ANKRD50: variants seen among roughly 807,000 people sequenced by gnomAD.
The protein encoded by ANKRD50 is ankyrin repeat domain-containing protein 50.
Under a neutral mutation model 112.0 loss-of-function variants are expected in ANKRD50, and 40 were observed. The observed-to-expected ratio is 0.36, with a 90% CI of 0.28 to 0.46. The LOEUF is 0.46. ANKRD50 is among the 20% of genes least tolerant of loss of function. The pLI is 1.00. For missense variants in ANKRD50, 1,487 were observed against 1,701.7 expected (o/e 0.87, Z 2.22); for synonymous variants, 613 against 619.1 (o/e 0.99, Z 0.15).
At chr4:124,696,013 AAGTC>A in intron 2 of ANKRD50, among the ~76,000 whole-genome samples, 1 of 152,282 alleles carries the variant, frequency 6.6e-6, no homozygotes, top group East Asian at 1.9e-4. Flanking sequence ...AAACAGAAAA[AAGTC>A]AGGATTATAG....
Position 124,672,375 on chromosome 4 carries a change from C to G in ANKRD50, c.902G>C (p.Gly301Ala). The change falls in exon 4 of 5, where the codon GGA becomes GCA. Residue 301 changes from glycine (G) to alanine (A), a missense_variant. Physicochemically the swap from Gly to Ala is moderately conservative, Grantham distance 60 (BLOSUM62 0). This residue lies in a region of ANKRD50 where 1,046 missense variants were observed against 1,269.5 expected (regional missense o/e 0.82). Coordinates refer to ENST00000504087, the MANE Select transcript of ANKRD50 (RefSeq NM_020337.3). ...AACTCGTTCTAGGTAAAGAAAGCAT[C>G]CACTGCTTTTAATGTGCAGTTGATT... ...MLNQLHIKSS[G>A]CFLYLERVLD... 6.2e-7 allele frequency: 1 copy of G among 1,613,148 alleles called. No individual in the cohort carries two copies. The highest frequency in any genetic ancestry group is 8.5e-7 in the Non-Finnish European group (1 of 1,179,702).
At chr4:124,703,116 G>A in intron 2 of ANKRD50, among the ~76,000 whole-genome samples, 1 of 151,990 alleles carries the variant, frequency 6.6e-6, no homozygotes, top group East Asian at 1.9e-4. Flanking sequence ...CTAAGCTTGT[G>A]GGGCAAACAC....
In ANKRD50 at chr4:124,664,315, A is replaced by G. The variant is rs1402443917; in HGVS notation, c.*3203T>C. 1.3e-5 allele frequency: 2 copies of G among 151,960 alleles called. No homozygotes were observed. The highest frequency in any genetic ancestry group is 4.8e-5 in the African/African-American group (2 of 41,422). The allele number at this position is 151,960 out of a possible 1,614,324, so 9.4% of individuals were successfully genotyped here. On this transcript the variant is annotated 3_prime_UTR_variant, in exon 5 of 5. Coordinates refer to ENST00000504087, the MANE Select transcript of ANKRD50 (RefSeq NM_020337.3). ...ATAAACAGTAAATCTTTGTTTTTCT[A>G]CCTTCCTTTGGACAGTGTTATATTT...
chr4:124,694,721 G>A (rs569810617), intron 2 of ANKRD50, among the ~76,000 whole-genome samples: 1 of 152,166 alleles, frequency 6.6e-6, no homozygotes, highest in African/African-American at 2.4e-5. Context: ...GTCAGTGACT[G>A]AATTTACAAA....
intron 3 of ANKRD50, among the ~76,000 whole-genome samples, chr4:124,673,700 T>C (rs1204123108): frequency 2.0e-5 from 3 of 152,048 alleles, no homozygotes; most frequent in African/African-American, 4.8e-5. Context: ...GAAGGACAAA[T>C]AATAGGTTTG....
intron 3 of ANKRD50, among the ~76,000 whole-genome samples, chr4:124,677,556 A>G (rs148639302): frequency 4.6e-5 from 7 of 152,072 alleles, no homozygotes; most frequent in Non-Finnish European, 1.0e-4. Context: ...AGCACTTACT[A>G]TGTATTAGGC....
chr4:124,700,336 T>C (rs1393517395), intron 2 of ANKRD50, among the ~76,000 whole-genome samples: 2 of 152,232 alleles, frequency 1.3e-5, no homozygotes, highest in East Asian at 1.9e-4. Context: ...ATTCTAAACA[T>C]AGTAAGAAGC....
At chr4:124,677,707 G>A (rs1237295791) in intron 3 of ANKRD50, among the ~76,000 whole-genome samples, 1 of 151,904 alleles carries the variant, frequency 6.6e-6, no homozygotes, top group African/African-American at 2.4e-5. Context: ...CATGGCTAGT[G>A]AGTGGTAAAA....
chr4:124,680,233 T>C lies in ANKRD50; in HGVS notation c.513-1328A>G, dbSNP rs183145104. Among the ~76,000 whole-genome samples the C allele has an allele frequency of 1.8e-3, 275 of 152,280 alleles. 5 individuals carry two copies. The highest frequency in any genetic ancestry group is 2.9e-3 in the South Asian group (14 of 4,832). ...AAGCATCAAGAGAGACTAAATTGGT[T>C]TTACTCATCAGTATACCCCTAGAAC... On this transcript the variant is annotated intron_variant, in intron 2 of 4. Transcript: ENST00000504087.
intron 1 of ANKRD50, 23 bp from the exon 2 acceptor site, chr4:124,711,297 A>G (rs1725625037): frequency 6.6e-6 from 1 of 152,306 alleles, no homozygotes; most frequent in African/African-American, 2.4e-5. Flanking sequence ...AAACAAAAAT[A>G]CCTCAGTGCA....
intron 2 of ANKRD50, among the ~76,000 whole-genome samples, chr4:124,697,828 G>A (rs1725286539): frequency 6.6e-6 from 1 of 152,186 alleles, no homozygotes; most frequent in Admixed American, 6.5e-5. Context: ...GTTGCTAGAA[G>A]TGGGGTGGGG....
Position 124,682,987 on chromosome 4 carries a change from G to A in ANKRD50, c.513-4082C>T, listed in dbSNP as rs539019231. On this transcript the variant is annotated intron_variant, in intron 2 of 4. Transcript: ENST00000504087. ...TAGGAATAGAATTGTTAGATTAAGG[G>A]ACACCTTTATGTATATTTTGATAGA... Among the ~76,000 whole-genome samples the A allele has an allele frequency of 3.3e-5, 5 of 151,838 alleles. No homozygotes were observed. In the South Asian group the frequency reaches 1.0e-3, roughly 32 times the overall value.
intron 2 of ANKRD50, among the ~76,000 whole-genome samples, chr4:124,704,102 T>C (rs751134535): frequency 6.8e-6 from 1 of 146,916 alleles, no homozygotes; most frequent in African/African-American, 2.4e-5. Context: ...TTGGAAACAA[T>C]AGACCATTCA....
chr4:124,709,636 G>A (rs62322104), intron 2 of ANKRD50, among the ~76,000 whole-genome samples: 2,622 of 151,794 alleles, frequency 0.017, 34 homozygotes, highest in Non-Finnish European at 0.025. Flanking sequence ...ATGCTATACT[G>A]ATAATTACTC....
chr4:124,698,181 G>C (rs1230027881), intron 2 of ANKRD50, among the ~76,000 whole-genome samples: 2 of 151,914 alleles, frequency 1.3e-5, no homozygotes, highest in African/African-American at 4.8e-5. Context: ...AGGTGGGGTG[G>C]GATCTGGTAA....
intron 3 of ANKRD50, among the ~76,000 whole-genome samples, chr4:124,675,270 C>T (rs1490201954): frequency 1.3e-4 from 20 of 151,636 alleles, no homozygotes; most frequent in African/African-American, 2.4e-5. Context: ...TACCGCATTA[C>T]GCAGTACTGG....
chr4:124,689,719 T>C (rs1035307865), intron 2 of ANKRD50, among the ~76,000 whole-genome samples: 3 of 152,148 alleles, frequency 2.0e-5, no homozygotes, highest in Non-Finnish European at 4.4e-5. Flanking sequence ...TCCACTGACA[T>C]GAAACTAGTG....
At chr4:124,683,009 T>G (rs557456708) in intron 2 of ANKRD50, among the ~76,000 whole-genome samples, 11 of 151,974 alleles carry the variant, frequency 7.2e-5, no homozygotes, top group African/African-American at 2.7e-4. Context: ...TATATTTTGA[T>G]AGATATTGCC....
intron 2 of ANKRD50, among the ~76,000 whole-genome samples, chr4:124,681,089 C>G (rs1211035296): frequency 6.6e-6 from 1 of 152,000 alleles, no homozygotes; most frequent in Non-Finnish European, 1.5e-5. Flanking sequence ...GAAGGAAAAT[C>G]TGATATAGGG....
Sources: allele counts gnomAD v4.1 joint callset (sites outside exome capture counted in the v4.1 genomes callset), GRCh38; gene constraint gnomAD v4.1.1; regional missense constraint gnomAD v4.1.1; transcripts MANE v1.5; gene names NCBI Gene and HGNC (gene_info 2026-07-23, HGNC 2026-07-21).